Variants in AMZ1 observed in about 807,000 individuals in gnomAD.
AMZ1 encodes archaelysin family metallopeptidase 1.
A neutral mutation model predicts 29.9 loss-of-function variants in AMZ1; 39 were observed. The observed-to-expected ratio is 1.30, with a 90% CI of 1.01 to 1.70. AMZ1 has a LOEUF of 1.70. Among genes scored for constraint, AMZ1 ranks in the 40% most tolerant of loss-of-function variants. The pLI is 0.00. For missense variants in AMZ1, 1,041 were observed against 680.6 expected (o/e 1.53, Z -5.89); for synonymous variants, 458 against 304.0 (o/e 1.51, Z -5.27).
chr7:2,712,590 C>T lies in AMZ1; in HGVS notation c.1209C>T (p.Ala403=), dbSNP rs769900587. The T allele has an allele frequency of 7.1e-5, 115 of 1,612,438 alleles. No individual in the cohort carries two copies. Among genetic ancestry groups the T allele is most frequent in the South Asian group, 3.2e-4 (29 of 90,968 alleles). ...TGCCACCTGGGGGCCCTGCGGAGGC[C>T]ATCAAGGAGCATGAACGGTGGCTGG... ...APLPPGGPAE[A]IKEHERWLAM... is the part of the protein sequence containing the mutation. The change falls in exon 7 of 7, where the codon GCC becomes GCT. Residue 403 remains alanine, a synonymous_variant. Transcript: ENST00000683327.
rs991278680 is a variant in AMZ1 at position 2,716,693 on chromosome 7, G to A, written c.*3815G>A. ...AGGGACGGCCAGGCCTCGGAGAGAG[G>A]GACCGGCTGCCCTGCCCAAGGCCCA... On this transcript the variant is annotated 3_prime_UTR_variant, in exon 7 of 7. Transcript: ENST00000683327. Among the ~76,000 whole-genome samples the A allele has an allele frequency of 5.3e-5, 8 of 152,178 alleles. No homozygotes were observed. The highest frequency in any genetic ancestry group is 8.8e-5 in the Non-Finnish European group (6 of 68,026).
chr7:2,750,197 C>T (rs1366315549), intron 4 of AMZ1, among the ~76,000 whole-genome samples: 3 of 152,152 alleles, frequency 2.0e-5, no homozygotes, highest in Admixed American at 6.5e-5. Context: ...CTCACAGCAG[C>T]GACACCGGCA....
At chr7:2,762,594 A>G (rs775764424), upstream of AMZ1, 12 of 1,506,376 alleles carry the variant, frequency 8.0e-6, no homozygotes, top group South Asian at 1.6e-4. Context: ...TTACAAACCC[A>G]AAAAAGGACA....
chr7:2,736,244 C>G (rs1218545987), intron 4 of AMZ1, among the ~76,000 whole-genome samples: 1 of 152,134 alleles, frequency 6.6e-6, no homozygotes, highest in African/African-American at 2.4e-5. Context: ...CAAGACGAGC[C>G]CAGAGTCCTC....
intron 4 of AMZ1, among the ~76,000 whole-genome samples, chr7:2,757,573 C>T (rs954080995): frequency 5.9e-5 from 9 of 152,200 alleles, no homozygotes; most frequent in Admixed American, 4.6e-4. Context: ...CACCAGCCTG[C>T]GAGGTTCCGA....
At chr7:2,761,994 C>T (rs984485687), upstream of AMZ1, among the ~76,000 whole-genome samples, 1 of 152,212 alleles carries the variant, frequency 6.6e-6, no homozygotes, top group South Asian at 2.1e-4. Flanking sequence ...CTAACCTCAC[C>T]GAGGCCTCCC....
chr7:2,682,672 A>G (rs1786926341), intron 1 of AMZ1, among the ~76,000 whole-genome samples: 1 of 151,248 alleles, frequency 6.6e-6, no homozygotes, highest in South Asian at 2.1e-4. Context: ...GGCCATGGAA[A>G]CCCCTGCTTG....
chr7:2,757,803 G>A (rs897374402), intron 4 of AMZ1, among the ~76,000 whole-genome samples: 1 of 152,182 alleles, frequency 6.6e-6, no homozygotes, highest in South Asian at 2.1e-4. Flanking sequence ...CACTTAGTAC[G>A]TACTGAACGC....
At chr7:2,740,032 C>G (rs777078921) in intron 4 of AMZ1, among the ~76,000 whole-genome samples, 1 of 152,166 alleles carries the variant, frequency 6.6e-6, no homozygotes, top group East Asian at 1.9e-4. Context: ...TCCACGGCGG[C>G]TGCACAAGTT....
At chr7:2,733,289 T>TA (rs1485462550) in intron 4 of AMZ1, among the ~76,000 whole-genome samples, 2 of 152,132 alleles carry the variant, frequency 1.3e-5, no homozygotes, top group African/African-American at 2.4e-5. Flanking sequence ...GGGGCCCAGA[T>TA]CCAAGTGAGA....
intron 1 of AMZ1, among the ~76,000 whole-genome samples, chr7:2,693,143 C>T (rs191208774): frequency 8.5e-5 from 13 of 152,354 alleles, no homozygotes; most frequent in East Asian, 5.8e-4. Flanking sequence ...CTGTTGTTGC[C>T]CAGGCCGGAG....
At chr7:2,708,389 T>G (rs751695958) in intron 3 of AMZ1, among the ~76,000 whole-genome samples, 199 bp from the exon 4 acceptor site, 5 of 152,146 alleles carry the variant, frequency 3.3e-5, no homozygotes, top group Non-Finnish European at 7.4e-5. Context: ...TGTCCTGATC[T>G]CCAAATGGCC....
chr7:2,748,845 GCA>G (rs1264493145), intron 4 of AMZ1, among the ~76,000 whole-genome samples: 9 of 152,150 alleles, frequency 5.9e-5, no homozygotes, highest in Non-Finnish European at 1.2e-4. Context: ...CAAAAAGTGG[GCA>G]AAGGACATGA....
intron 5 of AMZ1, 73 bp downstream of exon 5, chr7:2,709,317 T>TA (rs1292681180): frequency 7.2e-7 from 1 of 1,385,170 alleles, no homozygotes; most frequent in Non-Finnish European, 9.5e-7. Flanking sequence ...CTCGGTCTGT[T>TA]ACACTGCCCC....
chr7:2,712,948 C>G lies in AMZ1; in HGVS notation c.*70C>G, dbSNP rs1163501377. 1 of 1,426,814 alleles carries G rather than the reference C, an allele frequency of 7.0e-7. No individual in the cohort carries two copies. The highest frequency in any genetic ancestry group is 1.4e-5 in the African/African-American group (1 of 69,012). The allele number at this position is 1,426,814 out of a possible 1,614,324, so 88.4% of individuals were successfully genotyped here. A position where few individuals can be genotyped will look rare whatever the true frequency, so the allele number is the denominator to read the frequency against. On this transcript the variant is annotated 3_prime_UTR_variant, in exon 7 of 7. Transcript: ENST00000683327. ...CAGCACTGTCCAGTAGCTGAGGCCA[C>G]TACTGACCTGCCAGGGATAAAGAGG...
Position 2,750,434 on chromosome 7 carries a change from C to G in AMZ1, n.551-14278C>G, listed in dbSNP as rs531560899. Among the ~76,000 whole-genome samples the G allele has an allele frequency of 6.6e-5, 10 of 152,342 alleles. No homozygotes were observed. The South Asian group carries it at 2.1e-3, about 32-fold the overall frequency. On this transcript the variant is annotated intron_variant and non_coding_transcript_variant, in intron 4 of 4. Coordinates refer to the AMZ1 transcript ENST00000489665. ...ATCCTCAGGGGACACATGCTGAGAC[C>G]TCAGTGGATGCCTGAAGCCTTGAAT... is the stretch of plus-strand genomic sequence containing the variant.
rs999884142 is a variant in AMZ1 at position 2,709,642 on chromosome 7, C to T, written c.774C>T (p.Val258=). 33 of 1,608,274 alleles carry T rather than the reference C, an allele frequency of 2.1e-5. No individual in the cohort carries two copies. Among genetic ancestry groups the T allele is most frequent in the Non-Finnish European group, 2.6e-5 (31 of 1,178,154 alleles). Reference sequence around the variant, plus strand: ...GTGCTTGGTGGCCTTCCCCCCAGGTCACGTGCCACGAGCTCTGCCACCTTC... The same window carrying T: ...GTGCTTGGTGGCCTTCCCCCCAGGTTACGTGCCACGAGCTCTGCCACCTTC... ...SALGMVQCCK[V]TCHELCHLLG... Residue 258 remains valine, a splice_region_variant and synonymous_variant, in exon 6 of 7, where the codon GTC becomes GTT. Coordinates refer to ENST00000683327, the MANE Select transcript of AMZ1 (RefSeq NM_001384743.1).
intron 1 of AMZ1, among the ~76,000 whole-genome samples, chr7:2,693,489 C>T (rs1300940702): frequency 6.6e-6 from 1 of 152,162 alleles, no homozygotes; most frequent in Non-Finnish European, 1.5e-5. Flanking sequence ...GAGACTTCCT[C>T]CGACCTCAGC....
At chr7:2,743,771 A>C (rs961387023) in intron 4 of AMZ1, among the ~76,000 whole-genome samples, 1 of 152,056 alleles carries the variant, frequency 6.6e-6, no homozygotes, top group Non-Finnish European at 1.5e-5. Context: ...TCCCTTTCCT[A>C]CTCAAAGAAA....
Sources: allele counts gnomAD v4.1 joint callset (sites outside exome capture counted in the v4.1 genomes callset), GRCh38; gene constraint gnomAD v4.1.1; transcripts MANE v1.5; gene names NCBI Gene and HGNC (gene_info 2026-07-23, HGNC 2026-07-21).